DCSTAMP: variants seen among roughly 807,000 people sequenced by gnomAD.
DCSTAMP encodes dendritic cell-specific transmembrane protein.
In DCSTAMP, 25 loss-of-function variants were observed where a neutral mutation model predicts 33.8. The ratio of observed to expected loss-of-function variants is 0.74; its 90% CI spans 0.54 to 1.03. The LOEUF (loss-of-function observed/expected upper bound fraction) is 1.03. Among genes scored for constraint, DCSTAMP ranks in the 50% least tolerant of loss-of-function variants. The probability of loss-of-function intolerance (pLI) is 0.00; values close to 1 mark genes in which losing one functional copy is unlikely to be tolerated. For synonymous variants in DCSTAMP, 245 were observed against 216.7 expected (o/e 1.13, Z -1.15); for missense variants, 531 against 556.8 (o/e 0.95, Z 0.47).
At chr8:104,352,748 A>T (rs1810497566) in intron 2 of DCSTAMP, among the ~76,000 whole-genome samples, 1 of 152,222 alleles carries the variant, frequency 6.6e-6, no homozygotes, top group African/African-American at 2.4e-5. Context: ...ATGTCCTGGG[A>T]GGGAGGTCAC....
Position 104,356,127 on chromosome 8 carries a change from C to T in DCSTAMP, c.1342C>T (p.His448Tyr). The change falls in exon 4 of 4, where the codon CAT (histidine) becomes TAT (tyrosine). Residue 448 changes from histidine to tyrosine, a missense_variant. By Grantham distance (83) the His-to-Tyr change is moderately conservative. Coordinates refer to ENST00000297581, the MANE Select transcript of DCSTAMP (RefSeq NM_030788.4). ...ATCCACTTTTCTGTCTCTTCAGATT[C>T]ATTTCTGGCTTCCAGTCCTGAAAAT... ...RRLSLYLTKI[H>Y]FWLPVLKMIR... 6.2e-7 allele frequency: 1 copy of T among 1,610,180 alleles called. No individual in the cohort carries two copies. The highest frequency in any genetic ancestry group is 8.5e-7 in the Non-Finnish European group (1 of 1,178,400).
rs1282806717 is a variant in DCSTAMP, at chr8:104,349,295, CCAGA to C, written c.746_749del (p.Arg249AsnfsTer20). The C allele has an allele frequency of 1.9e-6, 3 of 1,614,046 alleles. No individual in the cohort carries two copies. The highest frequency in any genetic ancestry group is 2.7e-5 in the African/African-American group (2 of 74,912). On this transcript the variant is annotated frameshift_variant, in exon 2 of 4. Transcript: ENST00000297581. LOFTEE classifies it high-confidence loss of function. ...TGGAAGTATGAAAACATCTACATCA[CCAGA>C]CAATTTGTTCAGTTTGATGAAAGGG...
intron 2 of DCSTAMP, among the ~76,000 whole-genome samples, chr8:104,353,486 C>T (rs1810523512): frequency 6.6e-6 from 1 of 152,228 alleles, no homozygotes; most frequent in African/African-American, 2.4e-5. Flanking sequence ...TTTCTCATCA[C>T]TGACTCAATC....
intron 2 of DCSTAMP, 151 bp downstream of exon 2, chr8:104,349,732 A>T (rs1331458429): frequency 1.2e-6 from 1 of 829,248 alleles, no homozygotes; most frequent in East Asian, 2.6e-5. Context: ...AAGGAACCCA[A>T]CAATTGCAGG....
In DCSTAMP at chr8:104,355,311, T is replaced by C. The variant is rs140069754; in HGVS notation, c.1338+126T>C. 1,999 of 965,120 alleles carry C rather than the reference T, an allele frequency of 2.1e-3. 24 individuals carry two copies. Among genetic ancestry groups the C allele is most frequent in the Non-Finnish European group, 6.2e-4 (412 of 664,898 alleles). The allele number at this position is 965,120 out of a possible 1,614,324, so 59.8% of individuals were successfully genotyped here. A position where few individuals can be genotyped will look rare whatever the true frequency, so the allele number is the denominator to read the frequency against. On this transcript the variant is annotated intron_variant, in intron 3 of 3. Coordinates refer to ENST00000297581, the MANE Select transcript of DCSTAMP (RefSeq NM_030788.4). ...TCAGGGCTTGTACCCCAGCAGTAGA[T>C]AGGACATTGAGGAAAAATGAACAAA...
At chr8:104,352,536 A>C (rs1042170689) in intron 2 of DCSTAMP, among the ~76,000 whole-genome samples, 2 of 150,792 alleles carry the variant, frequency 1.3e-5, no homozygotes, top group African/African-American at 2.4e-5. Flanking sequence ...CTTCTCTCTC[A>C]TTTACTTCTC....
In DCSTAMP at chr8:104,349,303, T is replaced by G. The variant is rs146506048; in HGVS notation, c.751T>G (p.Phe251Val). The G allele has an allele frequency of 2.5e-6, 4 of 1,614,000 alleles. No individual in the cohort carries two copies. Among genetic ancestry groups the G allele is most frequent in the Non-Finnish European group, 3.4e-6 (4 of 1,180,036 alleles). ...KYENIYITRQ[F>V]VQFDERERHQ... ...TGAAAACATCTACATCACCAGACAA[T>G]TTGTTCAGTTTGATGAAAGGGAGAG... is the stretch of plus-strand genomic sequence containing the variant. The change falls in exon 2 of 4, where the codon TTT (phenylalanine) becomes GTT (valine). Residue 251 changes from phenylalanine (F) to valine (V), a missense_variant. Coordinates refer to ENST00000297581, the MANE Select transcript of DCSTAMP (RefSeq NM_030788.4).
chr8:104,344,387 T>C (rs1470559961), intron 1 of DCSTAMP, among the ~76,000 whole-genome samples: 1 of 152,216 alleles, frequency 6.6e-6, no homozygotes, highest in Non-Finnish European at 1.5e-5. Flanking sequence ...AAATTCAATT[T>C]CTCAGTCGCA....
chr8:104,340,593 C>T (rs987920374), intron 1 of DCSTAMP, among the ~76,000 whole-genome samples: 1 of 152,222 alleles, frequency 6.6e-6, no homozygotes, highest in East Asian at 1.9e-4. Context: ...GAACCAGCTC[C>T]GCTGCTCACT....
chr8:104,348,817 T>C lies in DCSTAMP; in HGVS notation c.265T>C (p.Cys89Arg). 6.2e-7 allele frequency: 1 copy of C among 1,614,230 alleles called. No homozygotes were observed. The highest frequency in any genetic ancestry group is 1.7e-5 in the Admixed American group (1 of 60,032). Residue 89 changes from cysteine to arginine, a missense_variant, in exon 2 of 4, where the codon TGT becomes CGT. Transcript: ENST00000297581. The part of the protein sequence containing the change: ...RCFILLVFLS[C>R]GLREGRNALI... ...TTTTATTCTTCTTGTCTTTCTCTCT[T>C]GTGGCCTGCGTGAAGGCAGGAATGC...
At chr8:104,352,493 C>G (rs1274207657) in intron 2 of DCSTAMP, among the ~76,000 whole-genome samples, 2 of 152,144 alleles carry the variant, frequency 1.3e-5, no homozygotes, top group Non-Finnish European at 2.9e-5. Flanking sequence ...CTTGTCTTCC[C>G]CCCTCAATTC....
intron 1 of DCSTAMP, among the ~76,000 whole-genome samples, chr8:104,347,933 G>C (rs1810356914): frequency 6.6e-6 from 1 of 152,176 alleles, no homozygotes; most frequent in Non-Finnish European, 1.5e-5. Context: ...GAGGGAGGCA[G>C]GAGGATCAGA....
At chr8:104,353,238 A>C (rs1009202968) in intron 2 of DCSTAMP, among the ~76,000 whole-genome samples, 4 of 152,208 alleles carry the variant, frequency 2.6e-5, no homozygotes, top group Non-Finnish European at 5.9e-5. Context: ...TTGTGCCAAC[A>C]AATTGTTTAC....
intron 1 of DCSTAMP, among the ~76,000 whole-genome samples, chr8:104,346,707 T>C (rs1274112607): frequency 5.3e-5 from 8 of 152,272 alleles, no homozygotes; most frequent in Non-Finnish European, 1.5e-5. Flanking sequence ...ATTCAGATTA[T>C]ATGGCAGGAA....
chr8:104,356,483 G>C lies in DCSTAMP; in HGVS notation c.*285G>C. 4.3e-6 allele frequency: 1 copy of C among 232,182 alleles called. No homozygotes were observed. Among genetic ancestry groups the C allele is most frequent in the Non-Finnish European group, 8.3e-6 (1 of 120,090 alleles). 14.4% of individuals were successfully genotyped at this position (232,182 alleles called of 1,614,324 possible). A position where few individuals can be genotyped will look rare whatever the true frequency, so the allele number is the denominator to read the frequency against. On this transcript the variant is annotated 3_prime_UTR_variant, in exon 4 of 4. Transcript: ENST00000297581. ...CTGGGTCCCCTGGTGATGAGTTTCAGCATAGAATAATGTTCAAGGAAAAGA... is the reference window on the plus strand; with the variant it reads ...CTGGGTCCCCTGGTGATGAGTTTCACCATAGAATAATGTTCAAGGAAAAGA...
intron 1 of DCSTAMP, among the ~76,000 whole-genome samples, chr8:104,345,522 C>T (rs1810283680): frequency 6.6e-6 from 1 of 152,128 alleles, no homozygotes. Context: ...AGAGCTGTTG[C>T]CTGTTAAGAA....
Position 104,348,626 on chromosome 8 carries a change from G to T in DCSTAMP, c.74G>T (p.Gly25Val), listed in dbSNP as rs1032464128. ...WEIYVSPRSP[G>V]WMDFIQHLGV... ...ATTTACGTGTCTCCAAGAAGCCCCG[G>T]ATGGATGGACTTTATCCAGCATTTG... The change falls in exon 2 of 4, where the codon GGA (glycine) becomes GTA (valine). Residue 25 changes from glycine (G) to valine (V), a missense_variant. Gly to Val is a moderately radical substitution (Grantham distance 109, BLOSUM62 -3). Transcript: ENST00000297581. 6.2e-7 allele frequency: 1 copy of T among 1,614,070 alleles called. No individual in the cohort carries two copies. Among genetic ancestry groups the T allele is most frequent in the Admixed American group, 1.7e-5 (1 of 60,010 alleles).
Position 104,356,279 on chromosome 8 carries a change from A to C in DCSTAMP, c.*81A>C. 7.2e-7 allele frequency: 1 copy of C among 1,390,494 alleles called. No individual in the cohort carries two copies. The highest frequency in any genetic ancestry group is 1.8e-4 in the Middle Eastern group (1 of 5,462). The allele number at this position is 1,390,494 out of a possible 1,614,324, so 86.1% of individuals were successfully genotyped here. A position where few individuals can be genotyped will look rare whatever the true frequency, so the allele number is the denominator to read the frequency against. On this transcript the variant is annotated 3_prime_UTR_variant, in exon 4 of 4. Coordinates refer to ENST00000297581, the MANE Select transcript of DCSTAMP (RefSeq NM_030788.4). ...ATGGCAGTCACTATTCATGCCGGAT[A>C]ATAGAGAACTATGTGACGCAGTCCT...
chr8:104,356,224 A>G lies in DCSTAMP; in HGVS notation c.*26A>G. The G allele has an allele frequency of 1.2e-6, 2 of 1,602,420 alleles. No homozygotes were observed. Among genetic ancestry groups the G allele is most frequent in the Non-Finnish European group, 1.7e-6 (2 of 1,174,324 alleles). Reference sequence around the variant, plus strand: ...GAGACCCCGACTACTCCTCAGCCACATCGCACCAACAATTCTCTTCAGGTC... The same window carrying G: ...GAGACCCCGACTACTCCTCAGCCACGTCGCACCAACAATTCTCTTCAGGTC... On this transcript the variant is annotated 3_prime_UTR_variant, in exon 4 of 4. Coordinates refer to ENST00000297581, the MANE Select transcript of DCSTAMP (RefSeq NM_030788.4).
Sources: allele counts gnomAD v4.1 joint callset (sites outside exome capture counted in the v4.1 genomes callset), GRCh38; gene constraint gnomAD v4.1.1; transcripts MANE v1.5; gene names NCBI Gene and HGNC (gene_info 2026-07-23, HGNC 2026-07-21).